The following SYT1 variants were observed in gnomAD, a reference collection of about 807,000 sequenced individuals.
The protein encoded by SYT1 is synaptotagmin 1.
In SYT1, 8 loss-of-function variants were observed where a neutral mutation model predicts 44.8. That is an observed-to-expected ratio of 0.18 (90% CI 0.10 to 0.32). The LOEUF is 0.32. Among genes scored for constraint, SYT1 ranks in the 10% least tolerant of loss-of-function variants. SYT1 has a pLI of 1.00. For synonymous variants in SYT1, 154 were observed against 188.8 expected (o/e 0.82, Z 1.51); for missense variants, 286 against 509.3 (o/e 0.56, Z 4.22).
chr12:79,055,123 G>A (rs1273783408), intron 3 of SYT1, among the ~76,000 whole-genome samples: 1 of 151,844 alleles, frequency 6.6e-6, no homozygotes, highest in Non-Finnish European at 1.5e-5. Context: ...TTTCTCCATT[G>A]AGTAATTGTG....
intron 3 of SYT1, among the ~76,000 whole-genome samples, chr12:79,129,880 G>T (rs1438845029): frequency 2.0e-5 from 3 of 152,074 alleles, no homozygotes; most frequent in African/African-American, 7.2e-5. Flanking sequence ...TAACAAAGAT[G>T]ATTCAAATAT....
chr12:79,351,885 A>G (rs1565921488), intron 8 of SYT1, among the ~76,000 whole-genome samples: 1 of 152,170 alleles, frequency 6.6e-6, no homozygotes, highest in Admixed American at 6.5e-5. Flanking sequence ...AACTGTGTGG[A>G]AAGTGATAAT....
intron 3 of SYT1, among the ~76,000 whole-genome samples, chr12:79,107,830 C>A (rs999697341): frequency 1.6e-4 from 25 of 151,756 alleles, no homozygotes; most frequent in Non-Finnish European, 2.9e-4. Context: ...CTAAAACATA[C>A]CCAGAAACAA....
At chr12:79,338,608 C>T (rs1882198073) in intron 8 of SYT1, among the ~76,000 whole-genome samples, 1 of 150,040 alleles carries the variant, frequency 6.7e-6, no homozygotes, top group African/African-American at 2.5e-5. Flanking sequence ...TTCAATCCCT[C>T]CCTGCCTCCC....
chr12:78,912,139 A>T (rs930382792), intron 1 of SYT1, among the ~76,000 whole-genome samples: 2 of 151,960 alleles, frequency 1.3e-5, no homozygotes, highest in Non-Finnish European at 2.9e-5. Context: ...TGTTAGGTGT[A>T]TCTGTCATTT....
chr12:79,217,570 T>A lies in SYT1; in HGVS notation c.51T>A (p.Thr17=). ...HEALAAPPVT[T]VATVLPSNAT... is the part of the protein sequence containing the mutation. The stretch of plus-strand genomic sequence containing the variant: ...CCCTGGCAGCCCCGCCTGTCACCAC[T>A]GTCGCGACTGTTCTGCCAAGCAACG... The change falls in exon 4 of 11, where the codon ACT becomes ACA. Residue 17 remains threonine (T), a synonymous_variant. Transcript: ENST00000261205. 1 of 1,612,450 alleles carries A rather than the reference T, an allele frequency of 6.2e-7. No individual in the cohort carries two copies. Among genetic ancestry groups the A allele is most frequent in the South Asian group, 1.1e-5 (1 of 90,930 alleles).
At chr12:78,884,111 A>T (rs1874606572) in intron 1 of SYT1, among the ~76,000 whole-genome samples, 1 of 151,626 alleles carries the variant, frequency 6.6e-6, no homozygotes, top group South Asian at 2.1e-4. Flanking sequence ...CCAATCTCTT[A>T]TATTCTCTAA....
intron 3 of SYT1, among the ~76,000 whole-genome samples, chr12:79,062,711 G>A (rs1875481003): frequency 6.6e-6 from 1 of 152,096 alleles, no homozygotes; most frequent in South Asian, 2.1e-4. Context: ...GCTTGGATTG[G>A]AAGTACTTAT....
chr12:79,439,531 T>C (rs915226608), intron 9 of SYT1, among the ~76,000 whole-genome samples: 3 of 152,136 alleles, frequency 2.0e-5, no homozygotes, highest in African/African-American at 4.8e-5. Context: ...TTGCTAATGG[T>C]GGTTACCAAT....
At chr12:79,253,729 T>G (rs911360681) in intron 4 of SYT1, among the ~76,000 whole-genome samples, 1 of 152,040 alleles carries the variant, frequency 6.6e-6, no homozygotes, top group Non-Finnish European at 1.5e-5. Context: ...CTCGCACAAC[T>G]TAGCAAAGTT....
intron 9 of SYT1, among the ~76,000 whole-genome samples, chr12:79,365,834 GAAA>G (rs57702061): frequency 9.6e-6 from 1 of 104,126 alleles, no homozygotes; most frequent in African/African-American, 3.7e-5. Flanking sequence ...AAGAGTACCA[GAAA>G]AAAAAAAAAA....
chr12:79,160,521 AT>A (rs1291507953), intron 3 of SYT1, among the ~76,000 whole-genome samples: 1 of 152,184 alleles, frequency 6.6e-6, no homozygotes, highest in African/African-American at 2.4e-5. Context: ...TGAAGATGTC[AT>A]TTCTAGGTCT....
chr12:79,311,769 CA>C (rs1348369004), intron 8 of SYT1, among the ~76,000 whole-genome samples: 1 of 145,576 alleles, frequency 6.9e-6, no homozygotes, highest in African/African-American at 2.6e-5. Flanking sequence ...ATCGCAAGGA[CA>C]AAAAAGCAAA....
At position 79,444,083 on chromosome 12, in the gene SYT1, G is replaced by A. The variant is rs1423758690; in HGVS notation, c.939G>A (p.Val313=). 6.2e-7 allele frequency: 1 copy of A among 1,613,164 alleles called. No individual in the cohort carries two copies. The highest frequency in any genetic ancestry group is 1.7e-5 in the Admixed American group (1 of 59,968). ...MDVGGLSDPY[V]KIHLMQNGKR... ...CTGTTTTTCATTCAGATCCTTATGT[G>A]AAGATTCATCTGATGCAGAATGGTA... Residue 313 remains valine (V), a synonymous_variant, in exon 10 of 11, where the codon GTG becomes GTA. Coordinates refer to ENST00000261205, the MANE Select transcript of SYT1 (RefSeq NM_005639.3).
At chr12:79,268,073 C>A (rs1878225617) in intron 4 of SYT1, among the ~76,000 whole-genome samples, 1 of 152,112 alleles carries the variant, frequency 6.6e-6, no homozygotes, top group South Asian at 2.1e-4. Flanking sequence ...ATAAGTTATT[C>A]AGTAGGGACT....
At chr12:79,415,008 G>A (rs1275811243) in intron 9 of SYT1, among the ~76,000 whole-genome samples, 1 of 151,932 alleles carries the variant, frequency 6.6e-6, no homozygotes, top group Non-Finnish European at 1.5e-5. Flanking sequence ...GGCCTTGTTA[G>A]GTTACCTGTA....
intron 9 of SYT1, among the ~76,000 whole-genome samples, chr12:79,436,217 C>T (rs745802802): frequency 3.3e-5 from 5 of 152,092 alleles, no homozygotes; most frequent in Admixed American, 6.5e-5. Flanking sequence ...ATAGGTTTTT[C>T]GGTCACTTGA....
chr12:79,016,927 T>G (rs183288917), intron 2 of SYT1, among the ~76,000 whole-genome samples: 7 of 152,280 alleles, frequency 4.6e-5, no homozygotes, highest in Admixed American at 2.6e-4. Flanking sequence ...ATGATGATTT[T>G]GGGCATTTTA....
chr12:79,046,547 A>G (rs1874072881), intron 2 of SYT1: 1 of 152,094 alleles, frequency 6.6e-6, no homozygotes, highest in Non-Finnish European at 1.5e-5. Flanking sequence ...CATTAAAGCA[A>G]TTCTTAATGT....
Sources: gnomAD v4.1 joint callset for allele counts (sites outside exome capture counted in the v4.1 genomes callset) on GRCh38, gnomAD v4.1.1 for gene constraint, MANE v1.5 for transcripts, NCBI Gene and HGNC (gene_info 2026-07-23, HGNC 2026-07-21) for gene names.